The following CAST variants were observed in gnomAD, a reference collection of about 807,000 sequenced individuals.
CAST encodes calpastatin, also known as MIR583 host.
A neutral mutation model predicts 119.6 loss-of-function variants in CAST; 76 were observed. That is an observed-to-expected ratio of 0.64 (90% CI 0.53 to 0.77). CAST has a LOEUF of 0.77. Among genes scored for constraint, CAST ranks in the 30% least tolerant of loss-of-function variants. The pLI is 0.00. For synonymous variants in CAST, 319 were observed against 331.6 expected (o/e 0.96, Z 0.41); for missense variants, 953 against 946.5 (o/e 1.01, Z -0.09).
chr5:96,445,436 A>C, the CAST span, among the ~76,000 whole-genome samples: 1 of 152,342 alleles, frequency 6.6e-6, no homozygotes, highest in Admixed American at 6.5e-5. Flanking sequence ...CTTGCTCTGC[A>C]GAAAAGAACT....
At chr5:96,177,300 G>A in the CAST span, among the ~76,000 whole-genome samples, 4 of 152,156 alleles carry the variant, frequency 2.6e-5, no homozygotes, top group South Asian at 6.2e-4. Context: ...AAAATGCGAG[G>A]TGGTGAACTA....
the CAST span, among the ~76,000 whole-genome samples, chr5:95,971,449 TAGCTC>T: frequency 2.0e-5 from 3 of 152,244 alleles, no homozygotes; most frequent in Non-Finnish European, 2.9e-5. Flanking sequence ...ATTTAAGTGT[TAGCTC>T]AGGTAACCTT....
At chr5:96,659,071 CACA>C (rs1748204640), upstream of CAST, among the ~76,000 whole-genome samples, 1 of 152,194 alleles carries the variant, frequency 6.6e-6, no homozygotes, top group Admixed American at 6.5e-5. Context: ...TCAAAACACA[CACA>C]ACATTTATCA....
At chr5:96,547,214 G>C (rs1746035536) in intron 1 of CAST, among the ~76,000 whole-genome samples, 1 of 151,976 alleles carries the variant, frequency 6.6e-6, no homozygotes, top group East Asian at 1.9e-4. Context: ...TTTAATTATG[G>C]GTCCCAAAAA....
chr5:96,379,164 C>T, the CAST span, among the ~76,000 whole-genome samples: 1 of 152,210 alleles, frequency 6.6e-6, no homozygotes, highest in Non-Finnish European at 1.5e-5. Context: ...TGAATGTTCT[C>T]ATTAGTAGAA....
chr5:96,145,890 C>T, the CAST span, among the ~76,000 whole-genome samples: 1 of 152,120 alleles, frequency 6.6e-6, no homozygotes, highest in African/African-American at 2.4e-5. Context: ...GGCATACTTA[C>T]ATAGTGGATG....
At chr5:96,560,526 C>G (rs957598582) in intron 1 of CAST, among the ~76,000 whole-genome samples, 4 of 152,190 alleles carry the variant, frequency 2.6e-5, no homozygotes, top group Non-Finnish European at 5.9e-5. Context: ...ACAACCCCAT[C>G]AAAAAGTGGG....
upstream of CAST, among the ~76,000 whole-genome samples, chr5:96,520,488 T>C (rs1013713159): frequency 1.3e-5 from 2 of 151,970 alleles, no homozygotes; most frequent in African/African-American, 4.8e-5. Context: ...TGACTCTGAG[T>C]GTATGTATGT....
At chr5:96,397,376 T>C in the CAST span, 1 of 1,612,206 alleles carries the variant, frequency 6.2e-7, no homozygotes, top group Admixed American at 1.7e-5. Flanking sequence ...TATAGGGTTC[T>C]CTCCCCATGT....
At chr5:96,522,566 C>G (rs1329794740), upstream of CAST, among the ~76,000 whole-genome samples, 1 of 152,134 alleles carries the variant, frequency 6.6e-6, no homozygotes, top group Non-Finnish European at 1.5e-5. Flanking sequence ...AAAATGTAGC[C>G]TATGCTTTTC....
the CAST span, among the ~76,000 whole-genome samples, chr5:96,340,241 G>C: frequency 3.9e-5 from 6 of 152,196 alleles, no homozygotes; most frequent in East Asian, 7.7e-4. Context: ...CATTTTCTGC[G>C]GGAGTCCACC....
chr5:96,298,307 A>C, the CAST span, among the ~76,000 whole-genome samples: 3 of 152,206 alleles, frequency 2.0e-5, no homozygotes, highest in Non-Finnish European at 1.5e-5. Context: ...GCTTAGTAAG[A>C]AGTGCTCATA....
chr5:96,580,072 A>G (rs1746744050), intron 1 of CAST, among the ~76,000 whole-genome samples: 1 of 152,188 alleles, frequency 6.6e-6, no homozygotes. Flanking sequence ...GTTGTACATG[A>G]TATCTTCTTC....
the CAST span, among the ~76,000 whole-genome samples, chr5:96,102,845 CT>C: frequency 6.6e-6 from 1 of 151,502 alleles, no homozygotes; most frequent in Admixed American, 6.6e-5. Flanking sequence ...CATTTAGTTG[CT>C]TAAGAAAATG....
chr5:96,046,750 G>A, the CAST span, among the ~76,000 whole-genome samples: 1 of 152,220 alleles, frequency 6.6e-6, no homozygotes, highest in Non-Finnish European at 1.5e-5. Context: ...AGAAAAAGAG[G>A]TTTAATTGGA....
At chr5:96,474,610 G>T in the CAST span, among the ~76,000 whole-genome samples, 2 of 152,188 alleles carry the variant, frequency 1.3e-5, no homozygotes, top group East Asian at 1.9e-4. Context: ...CAATGGGCAG[G>T]TTTATTCTGA....
intron 2 of CAST, among the ~76,000 whole-genome samples, chr5:96,692,077 T>C (rs1752789228): frequency 6.6e-6 from 1 of 152,200 alleles, no homozygotes. Flanking sequence ...GATGGTGCAA[T>C]ATCATATAAA....
the CAST span, among the ~76,000 whole-genome samples, chr5:96,486,919 AG>A: frequency 6.6e-6 from 1 of 151,698 alleles, no homozygotes; most frequent in Non-Finnish European, 1.5e-5. Flanking sequence ...AAATAATCTA[AG>A]AAAAAAAGCC....
At chr5:96,487,114 AG>A in the CAST span, among the ~76,000 whole-genome samples, 8 of 151,404 alleles carry the variant, frequency 5.3e-5, no homozygotes, top group Non-Finnish European at 1.2e-4. Context: ...AATCTGTAGT[AG>A]GGGTCAGAAA....
Sources: gnomAD v4.1 joint callset for allele counts (sites outside exome capture counted in the v4.1 genomes callset) on GRCh38, gnomAD v4.1.1 for gene constraint, MANE v1.5 for transcripts, NCBI Gene and HGNC (gene_info 2026-07-23, HGNC 2026-07-21) for gene names.